The following GRM7 variants were observed in gnomAD, a reference collection of about 807,000 sequenced individuals.
GRM7 encodes the protein glutamate metabotropic receptor 7.
In GRM7, 35 loss-of-function variants were observed where a neutral mutation model predicts 84.5. That is an observed-to-expected ratio of 0.41 (90% confidence interval 0.32 to 0.55). The LOEUF (loss-of-function observed/expected upper bound fraction) is 0.55. Among genes scored for constraint, GRM7 ranks in the 20% least tolerant of loss-of-function variants. GRM7 has a pLI of 0.19. For missense variants in GRM7, 1,003 were observed against 1,194.6 expected (o/e 0.84, Z 2.36); for synonymous variants, 487 against 455.1 (o/e 1.07, Z -0.89).
At chr3:7,425,528 G>A (rs1696572476) in intron 5 of GRM7, among the ~76,000 whole-genome samples, 1 of 152,140 alleles carries the variant, frequency 6.6e-6, no homozygotes, top group Admixed American at 6.6e-5. Context: ...GACTGAAATA[G>A]TGTGAAACCA....
chr3:7,299,554 A>C (rs908458902), intron 3 of GRM7, among the ~76,000 whole-genome samples: 1 of 152,232 alleles, frequency 6.6e-6, no homozygotes, highest in South Asian at 2.1e-4. Context: ...CGCATAGCTA[A>C]CAAGTTCTCT....
In GRM7 at chr3:7,629,082, T is replaced by TA. The variant is rs879635133; in HGVS notation, c.2451+49733dup. On this transcript the variant is annotated intron_variant, in intron 8 of 9. Transcript: ENST00000357716. ...GGTAATATTATTTATGAAGGCTCTG[T>TA]AAAAAAAAGGAGATAACTTGACTGC... Among the ~76,000 whole-genome samples, 124 of 151,948 alleles carry TA rather than the reference T, an allele frequency of 8.2e-4. 1 individual carries two copies. Among genetic ancestry groups the TA allele is most frequent in the African/African-American group, 2.1e-3 (89 of 41,484 alleles).
At chr3:6,919,101 A>C (rs1697034337) in intron 1 of GRM7, among the ~76,000 whole-genome samples, 1 of 152,210 alleles carries the variant, frequency 6.6e-6, no homozygotes, top group African/African-American at 2.4e-5. Context: ...AATCAATGGA[A>C]AATTCTTGCC....
At chr3:7,014,439 CA>C (rs1214485061) in intron 1 of GRM7, among the ~76,000 whole-genome samples, 1 of 152,098 alleles carries the variant, frequency 6.6e-6, no homozygotes, top group Non-Finnish European at 1.5e-5. Flanking sequence ...CTCCAGAGTT[CA>C]AGGGATTCTT....
chr3:6,904,343 A>C (rs945395939), intron 1 of GRM7, among the ~76,000 whole-genome samples: 22 of 151,976 alleles, frequency 1.4e-4, no homozygotes, highest in Non-Finnish European at 2.6e-4. Context: ...CTGAGGAAAA[A>C]CTGTATGGGT....
Position 6,862,920 on chromosome 3 carries a change from C to T in GRM7, c.519+1013C>T, listed in dbSNP as rs533864349. On this transcript the variant is annotated intron_variant, in intron 1 of 9. Transcript: ENST00000357716. The surrounding 1 kb of genome is among the most constrained non-coding windows in gnomAD (Gnocchi z 5.2). ...AATGGGAGGAAGGCGGATCCGGGGC[C>T]GCTGAGCGGTGGGTTCTGCCGCAGT... The T allele has an allele frequency of 3.1e-4, 134 of 434,672 alleles. 1 individual carries two copies. The highest frequency in any genetic ancestry group is 2.2e-3 in the South Asian group (133 of 61,454). The allele number at this position is 434,672 out of a possible 1,614,324, so 26.9% of individuals were successfully genotyped here.
intron 2 of GRM7, among the ~76,000 whole-genome samples, chr3:7,254,476 A>G (rs918455590): frequency 1.3e-5 from 2 of 152,246 alleles, no homozygotes; most frequent in African/African-American, 4.8e-5. Flanking sequence ...GTAGGTCAGC[A>G]AAGTTTCCTG....
intron 1 of GRM7, among the ~76,000 whole-genome samples, chr3:7,097,124 A>C (rs9841768): frequency 0.064 from 9,685 of 152,200 alleles, 736 homozygotes; most frequent in African/African-American, 0.15. Context: ...CATGCTGGTC[A>C]ACACTGAGTT....
At chr3:7,382,690 T>C (rs1283004057) in intron 4 of GRM7, among the ~76,000 whole-genome samples, 1 of 152,168 alleles carries the variant, frequency 6.6e-6, no homozygotes. Flanking sequence ...AAAAATAAAG[T>C]AGTCTGATAG....
At chr3:7,130,668 C>T (rs1477553758) in intron 1 of GRM7, among the ~76,000 whole-genome samples, 1 of 151,930 alleles carries the variant, frequency 6.6e-6, no homozygotes, top group Non-Finnish European at 1.5e-5. Context: ...GCACTGATGA[C>T]CTTCTCTCTC....
intron 2 of GRM7, among the ~76,000 whole-genome samples, chr3:7,215,487 AC>A (rs1181202826): frequency 5.3e-5 from 8 of 151,776 alleles, no homozygotes; most frequent in Non-Finnish European, 7.4e-5. Context: ...ACACAGTGAA[AC>A]CCCGTCTCTA....
intron 4 of GRM7, among the ~76,000 whole-genome samples, chr3:7,411,640 G>A (rs1429153571): frequency 6.6e-6 from 1 of 151,946 alleles, no homozygotes; most frequent in Non-Finnish European, 1.5e-5. Flanking sequence ...TTATTTTCTG[G>A]TTTGCACATT....
At chr3:6,911,463 T>C (rs1696766452) in intron 1 of GRM7, among the ~76,000 whole-genome samples, 1 of 152,152 alleles carries the variant, frequency 6.6e-6, no homozygotes, top group African/African-American at 2.4e-5. Context: ...TGTTATTAGT[T>C]TCTTATGTGT....
At chr3:7,453,840 G>C (rs1033981411) in intron 6 of GRM7, among the ~76,000 whole-genome samples, 1 of 152,116 alleles carries the variant, frequency 6.6e-6, no homozygotes, top group East Asian at 1.9e-4. Flanking sequence ...TGTCTGTCCA[G>C]ATCCTTCTTG....
chr3:7,303,779 C>G (rs949532464), intron 3 of GRM7, among the ~76,000 whole-genome samples: 2 of 151,900 alleles, frequency 1.3e-5, no homozygotes, highest in African/African-American at 4.8e-5. Context: ...CCTGAAATTT[C>G]CATTATTCTG....
intron 7 of GRM7, among the ~76,000 whole-genome samples, chr3:7,495,967 T>C (rs1699688158): frequency 6.6e-6 from 1 of 152,238 alleles, no homozygotes; most frequent in Admixed American, 6.5e-5. Context: ...CTATGTCCAC[T>C]TGTCCAGAGA....
chr3:7,282,972 A>G (rs1054354940), intron 2 of GRM7, among the ~76,000 whole-genome samples: 1 of 152,200 alleles, frequency 6.6e-6, no homozygotes, highest in Admixed American at 6.5e-5. Flanking sequence ...AGTTTTTATC[A>G]CTGGGCCTAA....
At chr3:7,665,181 T>G (rs956769052) in intron 8 of GRM7, among the ~76,000 whole-genome samples, 2 of 148,398 alleles carry the variant, frequency 1.3e-5, no homozygotes, top group Non-Finnish European at 3.0e-5. Flanking sequence ...TTTTTTTTTT[T>G]TTTTTTTTGA....
Position 7,132,507 on chromosome 3 carries a change from C to T in GRM7, c.520-13945C>T, listed in dbSNP as rs559672374. 5.9e-5 allele frequency among the ~76,000 whole-genome samples: 9 copies of T among 152,198 alleles called. No homozygotes were observed. In the East Asian group the frequency reaches 1.5e-3, roughly 26 times the overall value. On this transcript the variant is annotated intron_variant, in intron 1 of 9. Transcript: ENST00000357716. ...AATTAAATGGTAAGGAATTATTTAC[C>T]ATGCAGAAATCGTATAAATCTTTTT...
Sources: allele counts gnomAD v4.1 joint callset (sites outside exome capture counted in the v4.1 genomes callset), GRCh38; gene constraint gnomAD v4.1.1; non-coding constraint Gnocchi (gnomAD v3.1); transcripts MANE v1.5; gene names NCBI Gene and HGNC (gene_info 2026-07-23, HGNC 2026-07-21).